The following CREB5 variants were observed in gnomAD, a reference collection of about 807,000 sequenced individuals.
CREB5 encodes cyclic AMP-responsive element-binding protein 5.
Under a neutral mutation model 57.1 loss-of-function variants are expected in CREB5, and 19 were observed. The observed-to-expected ratio is 0.33, with a 90% CI of 0.23 to 0.49. The LOEUF (loss-of-function observed/expected upper bound fraction) is 0.49, where lower values mean the gene tolerates loss of function less well. Ranked by LOEUF, CREB5 falls within the 20% of genes least tolerant of loss-of-function variation. The probability of loss-of-function intolerance (pLI) is 0.99; values close to 1 mark genes in which losing one functional copy is unlikely to be tolerated. For missense variants in CREB5, 579 were observed against 671.6 expected (o/e 0.86, Z 1.52); for synonymous variants, 238 against 238.3 (o/e 1.00, Z 0.01).
intron 5 of CREB5, among the ~76,000 whole-genome samples, chr7:28,617,463 T>C (rs1382684587): frequency 6.6e-6 from 1 of 152,170 alleles, no homozygotes; most frequent in African/African-American, 2.4e-5. Context: ...TTATTAACAG[T>C]GGCTAAGACT....
intron 5 of CREB5, among the ~76,000 whole-genome samples, chr7:28,581,108 A>G (rs1357278599): frequency 6.6e-6 from 1 of 152,234 alleles, no homozygotes; most frequent in Non-Finnish European, 1.5e-5. Flanking sequence ...TCTGAGAGAC[A>G]AAGTGCAGAA....
At chr7:28,710,971 T>G (rs560859823) in intron 5 of CREB5, among the ~76,000 whole-genome samples, 1 of 152,212 alleles carries the variant, frequency 6.6e-6, no homozygotes, top group African/African-American at 2.4e-5. Flanking sequence ...AGATTACATA[T>G]GTCAGGTTTT....
intron 5 of CREB5, among the ~76,000 whole-genome samples, chr7:28,638,567 G>A (rs1206051769): frequency 6.6e-6 from 1 of 151,930 alleles, no homozygotes; most frequent in Non-Finnish European, 1.5e-5. Context: ...GGTTGATCTT[G>A]AATTCCTGGG....
chr7:28,399,135 G>C (rs975452898), intron 1 of CREB5, among the ~76,000 whole-genome samples: 31 of 152,164 alleles, frequency 2.0e-4, no homozygotes, highest in African/African-American at 7.2e-4. Flanking sequence ...ATGTAACAGA[G>C]AGCTGATATA....
intron 5 of CREB5, among the ~76,000 whole-genome samples, chr7:28,715,333 C>T (rs1802626069): frequency 6.6e-6 from 1 of 152,218 alleles, no homozygotes; most frequent in Admixed American, 6.5e-5. Context: ...CTGAATTCAG[C>T]ATACTCCTGA....
At chr7:28,642,981 CACACAT>C (rs1444190628) in intron 5 of CREB5, among the ~76,000 whole-genome samples, 80 of 105,854 alleles carry the variant, frequency 7.6e-4, no homozygotes, top group Admixed American at 3.0e-3. Flanking sequence ...CACACACACA[CACACAT>C]ACACACACAC....
At position 28,545,041 on chromosome 7, in the gene CREB5, G is replaced by A. The variant is rs1008679269; in HGVS notation, c.292-25324G>A. ...GTAGGAAGAGGCAGATAAGGAATTG[G>A]AGGGCAGTGTTTTGTCTGTCACCAG... is the stretch of plus-strand genomic sequence containing the variant. On this transcript the variant is annotated intron_variant, in intron 4 of 10. Coordinates refer to ENST00000357727, the MANE Select transcript of CREB5 (RefSeq NM_182898.4). Among the ~76,000 whole-genome samples, 3 of 152,142 alleles carry A rather than the reference G, an allele frequency of 2.0e-5. No homozygotes were observed. In the East Asian group the frequency reaches 5.8e-4, roughly 29 times the overall value.
chr7:28,775,948 T>C (rs1250934371), intron 7 of CREB5, among the ~76,000 whole-genome samples: 1 of 152,162 alleles, frequency 6.6e-6, no homozygotes, highest in East Asian at 1.9e-4. Context: ...TTTTTACAAA[T>C]GGGGAAACTG....
chr7:28,300,870 A>C lies in CREB5; in HGVS notation c.-25+1429A>C, dbSNP rs568097940. Among the ~76,000 whole-genome samples, 187 of 152,310 alleles carry C rather than the reference A, an allele frequency of 1.2e-3. 1 individual carries two copies. Among genetic ancestry groups the C allele is most frequent in the Non-Finnish European group, 2.0e-3 (136 of 68,026 alleles). On this transcript the variant is annotated intron_variant, in intron 1 of 9. Coordinates refer to the CREB5 transcript ENST00000396299. ...TAGTGGTTGTCAAAGTATGGTCCAC[A>C]GACACACAAAACCTTGGAACTTGTC...
intron 5 of CREB5, among the ~76,000 whole-genome samples, chr7:28,632,733 C>G (rs910841690): frequency 3.9e-5 from 6 of 152,080 alleles, no homozygotes; most frequent in African/African-American, 1.4e-4. Flanking sequence ...ATTTTCTGTC[C>G]CTCGGCTCGA....
chr7:28,458,301 A>T (rs911350011), intron 1 of CREB5, among the ~76,000 whole-genome samples: 3 of 152,216 alleles, frequency 2.0e-5, no homozygotes, highest in Non-Finnish European at 4.4e-5. Flanking sequence ...CTAGGATCTG[A>T]TAACTTGGTT....
intron 1 of CREB5, among the ~76,000 whole-genome samples, chr7:28,330,664 C>T (rs1352953829): frequency 6.6e-6 from 1 of 151,566 alleles, no homozygotes; most frequent in African/African-American, 2.4e-5. Flanking sequence ...CTGAGTCTCC[C>T]AGCTGAAGGG....
intron 5 of CREB5, among the ~76,000 whole-genome samples, chr7:28,684,705 T>C (rs542508531): frequency 2.6e-5 from 4 of 152,098 alleles, no homozygotes; most frequent in Non-Finnish European, 4.4e-5. Flanking sequence ...TTAGGGGCAA[T>C]AGACTGTAGC....
chr7:28,332,448 C>T (rs747331264), intron 1 of CREB5, among the ~76,000 whole-genome samples: 1 of 152,186 alleles, frequency 6.6e-6, no homozygotes, highest in Non-Finnish European at 1.5e-5. Context: ...AGCCTGATGA[C>T]TGGCATATAG....
chr7:28,346,028 C>A, intron 1 of CREB5, among the ~76,000 whole-genome samples: 1 of 152,140 alleles, frequency 6.6e-6, no homozygotes, highest in South Asian at 2.1e-4. Flanking sequence ...AGGGGGGCAC[C>A]GTAGTGATGG....
At chr7:28,646,027 C>T (rs1401433450) in intron 5 of CREB5, among the ~76,000 whole-genome samples, 2 of 152,196 alleles carry the variant, frequency 1.3e-5, no homozygotes, top group African/African-American at 4.8e-5. Context: ...CTGGAACTTA[C>T]ACCACTGGCT....
chr7:28,634,394 C>CTTTA (rs1798327986), intron 5 of CREB5, among the ~76,000 whole-genome samples: 1 of 152,214 alleles, frequency 6.6e-6, no homozygotes, highest in Non-Finnish European at 1.5e-5. Flanking sequence ...CTATCATGTG[C>CTTTA]TTTACTCTTA....
chr7:28,817,549 G>A (rs926196386), intron 9 of CREB5, among the ~76,000 whole-genome samples: 4 of 152,282 alleles, frequency 2.6e-5, no homozygotes, highest in African/African-American at 4.8e-5. Flanking sequence ...CCCAATGTGC[G>A]CCTCATATTC....
In CREB5 at chr7:28,359,364, G is replaced by A. The variant is rs114778042; in HGVS notation, c.-25+59923G>A. Among the ~76,000 whole-genome samples, 298 of 152,246 alleles carry A rather than the reference G, an allele frequency of 2.0e-3. 2 individuals carry two copies. Among genetic ancestry groups the A allele is most frequent in the African/African-American group, 7.0e-3 (290 of 41,542 alleles). ...CTTGTCTTACCTCCCCTATAAGAGC[G>A]TTGTCAGAGACACTAATGAAATAAT... On this transcript the variant is annotated intron_variant, in intron 1 of 9. Transcript: ENST00000396299.
Sources: gnomAD v4.1 joint callset for allele counts (sites outside exome capture counted in the v4.1 genomes callset) on GRCh38, gnomAD v4.1.1 for gene constraint, MANE v1.5 for transcripts, NCBI Gene and HGNC (gene_info 2026-07-23, HGNC 2026-07-21) for gene names.